Variants in NKAIN2 observed in about 807,000 individuals in gnomAD.
The protein encoded by NKAIN2 is sodium/potassium-transporting ATPase subunit beta-1-interacting protein 2.
A neutral mutation model predicts 32.6 loss-of-function variants in NKAIN2; 14 were observed. The observed-to-expected ratio is 0.43, with a 90% CI of 0.28 to 0.67. The LOEUF is 0.67. NKAIN2 is among the 30% of genes least tolerant of loss of function. The probability of loss-of-function intolerance (pLI) is 0.17; values close to 1 mark genes in which losing one functional copy is unlikely to be tolerated. For synonymous variants in NKAIN2, 80 were observed against 87.2 expected (o/e 0.92, Z 0.46); for missense variants, 198 against 258.3 (o/e 0.77, Z 1.60).
intron 1 of NKAIN2, among the ~76,000 whole-genome samples, chr6:123,901,285 T>A (rs1774576397): frequency 6.6e-6 from 1 of 152,188 alleles, no homozygotes; most frequent in South Asian, 2.1e-4. Flanking sequence ...TTCTGTTTGT[T>A]GTTATTCTTG....
chr6:124,000,408 T>A, intron 1 of NKAIN2, among the ~76,000 whole-genome samples: 1 of 151,850 alleles, frequency 6.6e-6, no homozygotes, highest in East Asian at 1.9e-4. Context: ...TTTACTCAAC[T>A]ATAAAAGAAG....
At chr6:124,189,728 G>A (rs1305242969) in intron 1 of NKAIN2, among the ~76,000 whole-genome samples, 1 of 152,082 alleles carries the variant, frequency 6.6e-6, no homozygotes, top group Non-Finnish European at 1.5e-5. Context: ...GTACAAAAAT[G>A]TCCTGGGACA....
At chr6:123,911,737 C>T (rs1775185699) in intron 1 of NKAIN2, among the ~76,000 whole-genome samples, 1 of 145,554 alleles carries the variant, frequency 6.9e-6, no homozygotes, top group Non-Finnish European at 1.5e-5. Context: ...TAAGTATTGT[C>T]TTACATCTGT....
At chr6:124,093,348 C>T (rs1389384697) in intron 1 of NKAIN2, among the ~76,000 whole-genome samples, 1 of 152,012 alleles carries the variant, frequency 6.6e-6, no homozygotes, top group Non-Finnish European at 1.5e-5. Context: ...GCTCCAAAGC[C>T]GCACTACCTA....
intron 1 of NKAIN2, among the ~76,000 whole-genome samples, chr6:123,875,725 A>G (rs1322105533): frequency 1.3e-5 from 2 of 151,990 alleles, no homozygotes; most frequent in Non-Finnish European, 2.9e-5. Context: ...GAAAATATCT[A>G]CTTGTCTTCT....
intron 1 of NKAIN2, among the ~76,000 whole-genome samples, chr6:123,889,236 TA>T (rs1239521245): frequency 5.9e-5 from 9 of 152,098 alleles, no homozygotes; most frequent in African/African-American, 2.2e-4. Flanking sequence ...AAGTGCCTCC[TA>T]GGGGGCATTG....
chr6:124,692,388 T>C (rs1244197027), intron 4 of NKAIN2, among the ~76,000 whole-genome samples: 4 of 152,158 alleles, frequency 2.6e-5, no homozygotes, highest in Admixed American at 1.3e-4. Flanking sequence ...TTTTGTTATA[T>C]AAAAATAAAC....
intron 1 of NKAIN2, among the ~76,000 whole-genome samples, chr6:124,080,038 A>G (rs962801523): frequency 2.6e-5 from 4 of 152,146 alleles, no homozygotes; most frequent in African/African-American, 9.7e-5. Flanking sequence ...TTGGGCATCA[A>G]AAGATTAAGG....
intron 3 of NKAIN2, among the ~76,000 whole-genome samples, chr6:124,464,452 A>G (rs1256422611): frequency 6.6e-6 from 1 of 151,776 alleles, no homozygotes; most frequent in Non-Finnish European, 1.5e-5. Flanking sequence ...GCCAGCCTAA[A>G]TTGTTACTTA....
In NKAIN2 at chr6:124,208,679, A is replaced by G. The variant is rs371012377; in HGVS notation, c.55-74326A>G. ...CCTACATAAACTGTAATCAAAATATATCTTTATTGTATTTTTCTGGTTTTC... is the reference window on the plus strand; with the variant it reads ...CCTACATAAACTGTAATCAAAATATGTCTTTATTGTATTTTTCTGGTTTTC... On this transcript the variant is annotated intron_variant, in intron 1 of 6. Coordinates refer to ENST00000368417, the MANE Select transcript of NKAIN2 (RefSeq NM_001040214.3). Among the ~76,000 whole-genome samples, 7 of 151,578 alleles carry G rather than the reference A, an allele frequency of 4.6e-5. No homozygotes were observed. In the East Asian group the frequency reaches 1.4e-3, roughly 29 times the overall value.
intron 1 of NKAIN2, among the ~76,000 whole-genome samples, chr6:124,012,842 A>G (rs1239250986): frequency 6.6e-6 from 1 of 152,128 alleles, no homozygotes; most frequent in Non-Finnish European, 1.5e-5. Context: ...TCTCTAAATT[A>G]AAGACCTAGA....
chr6:124,311,305 C>CTACT (rs765620815), intron 2 of NKAIN2, among the ~76,000 whole-genome samples: 24 of 152,190 alleles, frequency 1.6e-4, no homozygotes, highest in African/African-American at 5.5e-4. Flanking sequence ...ACAGATAAGA[C>CTACT]TACTATATCC....
At chr6:124,280,033 A>G (rs1795219915) in intron 1 of NKAIN2, among the ~76,000 whole-genome samples, 1 of 152,192 alleles carries the variant, frequency 6.6e-6, no homozygotes, top group Non-Finnish European at 1.5e-5. Flanking sequence ...ATTTATATAC[A>G]GGAAAATAGG....
In NKAIN2 at chr6:124,581,611, C is replaced by CA. The variant is rs534089160; in HGVS notation, c.274-76568dup. Among the ~76,000 whole-genome samples, 368 of 152,084 alleles carry CA rather than the reference C, an allele frequency of 2.4e-3. 1 individual carries two copies. The highest frequency in any genetic ancestry group is 8.2e-3 in the African/African-American group (342 of 41,486). On this transcript the variant is annotated intron_variant, in intron 3 of 6. Transcript: ENST00000368417. ...CAAGGATATACCATATGTTAAGCCA[C>CA]AAAAAAATCTTAAAAATGTCAAAAA...
chr6:123,868,075 A>T (rs547453830), intron 1 of NKAIN2, among the ~76,000 whole-genome samples: 2 of 151,974 alleles, frequency 1.3e-5, no homozygotes, highest in Non-Finnish European at 2.9e-5. Flanking sequence ...TCACTGTGTT[A>T]GCCAGGATGG....
chr6:124,669,070 T>C (rs1772963958), intron 4 of NKAIN2, among the ~76,000 whole-genome samples: 1 of 152,132 alleles, frequency 6.6e-6, no homozygotes, highest in South Asian at 2.1e-4. Flanking sequence ...TTCTGGGCAA[T>C]ATATTGTGGC....
At chr6:124,793,299 C>T (rs901821541) in intron 5 of NKAIN2, among the ~76,000 whole-genome samples, 9 of 152,014 alleles carry the variant, frequency 5.9e-5, no homozygotes, top group East Asian at 1.9e-4. Context: ...AGGTACCTAG[C>T]GCCTATACAA....
intron 2 of NKAIN2, among the ~76,000 whole-genome samples, chr6:124,292,787 C>T (rs2753154): frequency 0.3 from 44,983 of 151,934 alleles, 9,156 homozygotes; most frequent in African/African-American, 0.58. Flanking sequence ...CATCCCTATA[C>T]TGTGTCAGTT....
At chr6:123,932,784 T>TA (rs1562264417) in intron 1 of NKAIN2, among the ~76,000 whole-genome samples, 4 of 151,006 alleles carry the variant, frequency 2.6e-5, no homozygotes, top group Non-Finnish European at 4.4e-5. Flanking sequence ...TTTTTTTTTT[T>TA]AATTTCTCCC....
Sources: gnomAD v4.1 joint callset for allele counts (sites outside exome capture counted in the v4.1 genomes callset) on GRCh38, gnomAD v4.1.1 for gene constraint, MANE v1.5 for transcripts, NCBI Gene and HGNC (gene_info 2026-07-23, HGNC 2026-07-21) for gene names.